MAP4K5: variants seen among roughly 807,000 people sequenced by gnomAD.
The protein encoded by MAP4K5 is mitogen-activated protein kinase kinase kinase kinase 5.
A neutral mutation model predicts 135.6 loss-of-function variants in MAP4K5; 82 were observed. That is an observed-to-expected ratio of 0.60 (90% CI 0.51 to 0.73). The LOEUF is 0.73. Ranked by LOEUF, MAP4K5 falls within the 30% of genes least tolerant of loss-of-function variation. The pLI, the probability that MAP4K5 is intolerant of heterozygous loss-of-function variation, is 0.00. For missense variants in MAP4K5, 907 were observed against 1,010.9 expected (o/e 0.90, Z 1.39); for synonymous variants, 347 against 335.0 (o/e 1.04, Z -0.39).
At chr14:50,547,593 A>C (rs915923847) in intron 1 of MAP4K5, among the ~76,000 whole-genome samples, 1 of 152,228 alleles carries the variant, frequency 6.6e-6, no homozygotes, top group Admixed American at 6.5e-5. Flanking sequence ...CAGAAGTTAC[A>C]TAAGGTACAG....
At chr14:50,501,436 GA>G (rs1819430857) in intron 3 of MAP4K5, among the ~76,000 whole-genome samples, 1 of 151,138 alleles carries the variant, frequency 6.6e-6, no homozygotes, top group Admixed American at 6.6e-5. Context: ...TAAAATTTAA[GA>G]AAATATTAAA....
chr14:50,539,954 T>C (rs1394965730), intron 2 of MAP4K5, among the ~76,000 whole-genome samples: 1 of 152,116 alleles, frequency 6.6e-6, no homozygotes, highest in Non-Finnish European at 1.5e-5. Flanking sequence ...TTCTGCTTAG[T>C]CAAACTCTAT....
At chr14:50,444,255 C>A (rs1392941554) in intron 18 of MAP4K5, among the ~76,000 whole-genome samples, 1 of 151,986 alleles carries the variant, frequency 6.6e-6, no homozygotes, top group East Asian at 1.9e-4. Flanking sequence ...TTTTCCGTAT[C>A]ATGAAGAAAA....
At chr14:50,469,287 A>G (rs1221173962) in intron 9 of MAP4K5, among the ~76,000 whole-genome samples, 1 of 152,216 alleles carries the variant, frequency 6.6e-6, no homozygotes, top group Non-Finnish European at 1.5e-5. Context: ...AAATACAGAA[A>G]TGGAGAGTAA....
At position 50,486,084 on chromosome 14, in the gene MAP4K5, G is replaced by C. The variant is rs1353765086; in HGVS notation, c.257+20C>G. ...GAATATATAAAATACAGAGAGAGAT[G>C]ATGCTTTTTTTTCTCTTACCTAAGA... On this transcript the variant is annotated intron_variant, in intron 4 of 32. Coordinates refer to ENST00000682126, the MANE Select transcript of MAP4K5 (RefSeq NM_006575.6). 1.1e-6 allele frequency: 1 copy of C among 905,898 alleles called. No individual in the cohort carries two copies. Among genetic ancestry groups the C allele is most frequent in the Non-Finnish European group, 1.7e-6 (1 of 578,950 alleles). 56.1% of individuals were successfully genotyped at this position (905,898 alleles called of 1,614,324 possible).
intron 15 of MAP4K5, 41 bp downstream of exon 15, chr14:50,448,733 A>C: frequency 7.8e-7 from 1 of 1,282,568 alleles, no homozygotes; most frequent in East Asian, 2.5e-5. Flanking sequence ...AGTTTTCTCA[A>C]ATCTTAATGT....
intron 2 of MAP4K5, among the ~76,000 whole-genome samples, chr14:50,529,686 T>C (rs1007243180): frequency 6.7e-6 from 1 of 148,812 alleles, no homozygotes; most frequent in South Asian, 2.1e-4. Flanking sequence ...AAGCAAAAAA[T>C]AGAGTAGGAA....
intron 17 of MAP4K5, among the ~76,000 whole-genome samples, 174 bp downstream of exon 17, chr14:50,445,905 C>T (rs2036336464): frequency 6.6e-6 from 1 of 152,068 alleles, no homozygotes; most frequent in South Asian, 2.1e-4. Flanking sequence ...ATATTGTATT[C>T]CTCATGAAAT....
At chr14:50,518,824 G>C (rs1595540391) in intron 2 of MAP4K5, among the ~76,000 whole-genome samples, 1 of 152,160 alleles carries the variant, frequency 6.6e-6, no homozygotes, top group South Asian at 2.1e-4. Flanking sequence ...ATTATCTGGA[G>C]GTCTTAATGG....
chr14:50,428,610 T>G, intron 30 of MAP4K5, 52 bp downstream of exon 30: 1 of 1,022,090 alleles, frequency 9.8e-7, no homozygotes, highest in Non-Finnish European at 1.4e-6. Context: ...CAGAATGAAT[T>G]TTAATAATCA....
At chr14:50,441,412 C>T (rs1566642348) in intron 21 of MAP4K5, among the ~76,000 whole-genome samples, 1 of 152,072 alleles carries the variant, frequency 6.6e-6, no homozygotes, top group Non-Finnish European at 1.5e-5. Context: ...TGCACAGTAA[C>T]ATTTCTGTGT....
intron 31 of MAP4K5, among the ~76,000 whole-genome samples, chr14:50,425,512 TCTTAGATTCC>T (rs2035826242): frequency 2.0e-5 from 3 of 152,350 alleles, no homozygotes; most frequent in African/African-American, 4.8e-5. Context: ...GAGTCAATTT[TCTTAGATTCC>T]CTTATTCTTA....
At chr14:50,451,784 A>C (rs2883892) in intron 14 of MAP4K5, among the ~76,000 whole-genome samples, 136,078 of 152,000 alleles carry the variant, frequency 0.9, 61,672 homozygotes, top group Non-Finnish European at 0.96. Flanking sequence ...TTAAAAAAAA[A>C]CAAAACGTGT....
At chr14:50,459,955 C>A (rs2036674546) in intron 13 of MAP4K5, among the ~76,000 whole-genome samples, 1 of 152,064 alleles carries the variant, frequency 6.6e-6, no homozygotes, top group Non-Finnish European at 1.5e-5. Context: ...GCCGCCTCAG[C>A]CTCCCACAGT....
At chr14:50,554,972 T>C (rs529012633) in intron 1 of MAP4K5, among the ~76,000 whole-genome samples, 2 of 152,362 alleles carry the variant, frequency 1.3e-5, no homozygotes, top group South Asian at 4.1e-4. Context: ...TTTTCCAATG[T>C]CTATTTCCCT....
intron 3 of MAP4K5, among the ~76,000 whole-genome samples, chr14:50,493,983 A>G (rs2037540311): frequency 6.6e-6 from 1 of 151,130 alleles, no homozygotes. Context: ...GTGAGAATCC[A>G]TCGCAAAAAA....
intron 3 of MAP4K5, 33 bp downstream of exon 3, chr14:50,504,767 C>T: frequency 6.8e-7 from 1 of 1,466,468 alleles, no homozygotes; most frequent in Non-Finnish European, 9.2e-7. Flanking sequence ...ATGGAAAACC[C>T]TCAAAAATTG....
chr14:50,450,240 C>T (rs2036452776), intron 14 of MAP4K5: 1 of 152,214 alleles, frequency 6.6e-6, no homozygotes, highest in African/African-American at 2.4e-5. Flanking sequence ...AGCCACCACA[C>T]CTGGCCATTT....
chr14:50,503,043 G>A (rs982209112), intron 3 of MAP4K5, among the ~76,000 whole-genome samples: 2 of 151,734 alleles, frequency 1.3e-5, no homozygotes, highest in Admixed American at 1.3e-4. Context: ...ATAGAGAAAG[G>A]AGGACTGACA....
Sources: gnomAD v4.1 joint callset for allele counts (sites outside exome capture counted in the v4.1 genomes callset) on GRCh38, gnomAD v4.1.1 for gene constraint, MANE v1.5 for transcripts, NCBI Gene and HGNC (gene_info 2026-07-23, HGNC 2026-07-21) for gene names.